Variants in CALN1 observed in about 807,000 individuals in gnomAD.
CALN1 encodes calneuron 1.
Under a neutral mutation model 30.6 loss-of-function variants are expected in CALN1, and 17 were observed. The observed-to-expected ratio is 0.56, with a 90% CI of 0.38 to 0.83. The LOEUF is 0.83. CALN1 is among the 40% of genes least tolerant of loss of function. The probability of loss-of-function intolerance (pLI) is 0.00; values close to 1 mark genes in which losing one functional copy is unlikely to be tolerated. For missense variants in CALN1, 291 were observed against 354.9 expected (o/e 0.82, Z 1.45); for synonymous variants, 156 against 131.4 (o/e 1.19, Z -1.28).
At chr7:72,364,594 C>A (rs1803769909) in intron 2 of CALN1, among the ~76,000 whole-genome samples, 1 of 152,002 alleles carries the variant, frequency 6.6e-6, no homozygotes, top group South Asian at 2.1e-4. Flanking sequence ...AATAGATGAA[C>A]AAAACACAGA....
At chr7:72,421,005 G>A (rs1287209403) in intron 1 of CALN1, among the ~76,000 whole-genome samples, 1 of 152,012 alleles carries the variant, frequency 6.6e-6, no homozygotes, top group African/African-American at 2.4e-5. Context: ...CAATTTCCAG[G>A]GAGTTCTGGG....
At chr7:71,981,176 A>G (rs1798374437) in intron 5 of CALN1, among the ~76,000 whole-genome samples, 1 of 152,292 alleles carries the variant, frequency 6.6e-6, no homozygotes, top group Non-Finnish European at 1.5e-5. Flanking sequence ...GTCTTTTGTT[A>G]TAATATTTAG....
intron 3 of CALN1, among the ~76,000 whole-genome samples, chr7:72,275,888 A>T (rs1380470606): frequency 6.6e-6 from 1 of 152,176 alleles, no homozygotes; most frequent in Non-Finnish European, 1.5e-5. Context: ...GGAGGGTTGA[A>T]ATCCAGCCAG....
At chr7:72,109,421 G>A (rs1807403922) in intron 3 of CALN1, among the ~76,000 whole-genome samples, 1 of 152,062 alleles carries the variant, frequency 6.6e-6, no homozygotes, top group Non-Finnish European at 1.5e-5. Flanking sequence ...GTGTTTAAGT[G>A]AAGAACAGGA....
intron 3 of CALN1, among the ~76,000 whole-genome samples, chr7:72,124,281 G>A (rs1241537119): frequency 6.6e-6 from 1 of 152,160 alleles, no homozygotes; most frequent in African/African-American, 2.4e-5. Flanking sequence ...ACAATGAACA[G>A]TTAAGAACTT....
intron 3 of CALN1, among the ~76,000 whole-genome samples, chr7:72,170,509 A>G (rs1403501199): frequency 2.0e-5 from 3 of 152,206 alleles, no homozygotes; most frequent in South Asian, 2.1e-4. Context: ...CCATTTTTAC[A>G]TAACTTGGTT....
the CALN1 span, among the ~76,000 whole-genome samples, chr7:72,479,313 A>T: frequency 6.6e-6 from 1 of 152,194 alleles, no homozygotes; most frequent in Admixed American, 6.5e-5. Flanking sequence ...AAGATTTACA[A>T]GTTATTTCCC....
chr7:72,367,461 A>C (rs1488529045), intron 2 of CALN1, among the ~76,000 whole-genome samples: 1 of 152,078 alleles, frequency 6.6e-6, no homozygotes, highest in African/African-American at 2.4e-5. Context: ...CTGTCTCTGC[A>C]AAAATAAATT....
intron 4 of CALN1, among the ~76,000 whole-genome samples, chr7:72,033,760 CAG>C (rs779417897): frequency 2.6e-5 from 4 of 152,222 alleles, no homozygotes; most frequent in African/African-American, 7.2e-5. Flanking sequence ...ATCTTCGATG[CAG>C]AGTCAGTAGA....
chr7:72,323,441 C>T (rs1330742600), intron 2 of CALN1, among the ~76,000 whole-genome samples: 2 of 152,084 alleles, frequency 1.3e-5, no homozygotes, highest in Non-Finnish European at 2.9e-5. Context: ...CGGGCGATTG[C>T]CTGAGGTCAG....
chr7:72,092,528 G>C lies in CALN1; in HGVS notation c.388+13623C>G, dbSNP rs547458057. ...CACTTGATCAAATGGAAAGGAATGTGTAGAGTCTCCCATAATAATTGTGTT... is the reference window on the plus strand; with the variant it reads ...CACTTGATCAAATGGAAAGGAATGTCTAGAGTCTCCCATAATAATTGTGTT... On this transcript the variant is annotated intron_variant, in intron 4 of 6. Transcript: ENST00000395275. Among the ~76,000 whole-genome samples, 4 of 149,076 alleles carry C rather than the reference G, an allele frequency of 2.7e-5. No individual in the cohort carries two copies. The East Asian group carries it at 7.9e-4, about 30-fold the overall frequency.
At chr7:72,117,216 C>G (rs1441150981) in intron 3 of CALN1, among the ~76,000 whole-genome samples, 1 of 152,094 alleles carries the variant, frequency 6.6e-6, no homozygotes, top group East Asian at 1.9e-4. Context: ...ACTAAGGAGG[C>G]TGAGATGGGA....
At chr7:72,007,174 G>GCA (rs2129528943) in intron 5 of CALN1, among the ~76,000 whole-genome samples, 1 of 152,320 alleles carries the variant, frequency 6.6e-6, no homozygotes, top group East Asian at 1.9e-4. Flanking sequence ...GCCACGTATG[G>GCA]CACGTGACTG....
At chr7:72,178,828 T>C (rs914410362) in intron 3 of CALN1, among the ~76,000 whole-genome samples, 6 of 152,328 alleles carry the variant, frequency 3.9e-5, no homozygotes, top group African/African-American at 9.6e-5. Context: ...TTAGACCCCA[T>C]TGAAAAATAA....
intron 4 of CALN1, among the ~76,000 whole-genome samples, chr7:72,080,302 G>A (rs1024399998): frequency 1.3e-5 from 2 of 152,128 alleles, no homozygotes; most frequent in African/African-American, 4.8e-5. Flanking sequence ...TTGGGGAAGT[G>A]GATTTGGCAG....
chr7:71,928,033 G>A (rs1414101520), intron 5 of CALN1, among the ~76,000 whole-genome samples: 1 of 152,082 alleles, frequency 6.6e-6, no homozygotes, highest in Non-Finnish European at 1.5e-5. Flanking sequence ...GCATCCTAAG[G>A]CTTTTGATCC....
chr7:72,286,287 C>T (rs1798073267), intron 2 of CALN1, among the ~76,000 whole-genome samples: 1 of 152,126 alleles, frequency 6.6e-6, no homozygotes, highest in African/African-American at 2.4e-5. Context: ...TCTCTTCCAC[C>T]ACTGTGAAGC....
intron 5 of CALN1, among the ~76,000 whole-genome samples, chr7:71,840,484 T>C (rs1163122869): frequency 1.3e-4 from 11 of 84,184 alleles, no homozygotes; most frequent in African/African-American, 5.2e-4. Flanking sequence ...GATGCTCTCT[T>C]TAAAAAAAAA....
chr7:72,229,032 TAGAATTA>T (rs1793892664), intron 3 of CALN1, among the ~76,000 whole-genome samples: 1 of 151,418 alleles, frequency 6.6e-6, no homozygotes, highest in African/African-American at 2.4e-5. Flanking sequence ...CCTGAAGTGC[TAGAATTA>T]CAGGTATGGG....
Sources: gnomAD v4.1 joint callset for allele counts (sites outside exome capture counted in the v4.1 genomes callset) on GRCh38, gnomAD v4.1.1 for gene constraint, MANE v1.5 for transcripts, NCBI Gene and HGNC (gene_info 2026-07-23, HGNC 2026-07-21) for gene names.